The following DNM1 variants were observed in gnomAD, a reference collection of about 807,000 sequenced individuals.
DNM1 encodes the protein dynamin-1.
In DNM1, 29 loss-of-function variants were observed where a neutral mutation model predicts 104.6. The observed-to-expected ratio is 0.28, with a 90% CI of 0.21 to 0.38. The LOEUF (loss-of-function observed/expected upper bound fraction) is 0.38. Ranked by LOEUF, DNM1 falls within the 10% of genes least tolerant of loss-of-function variation. The pLI, the probability that DNM1 is intolerant of heterozygous loss-of-function variation, is 1.00. For missense variants in DNM1, 640 were observed against 1,189.4 expected (o/e 0.54, Z 6.79); for synonymous variants, 445 against 475.8 (o/e 0.94, Z 0.84).
In DNM1 at chr9:128,223,244, C is replaced by T. The variant is rs148285934; in HGVS notation, c.1196+384C>T. ...AGTATGAGGCTGTGTCCTTTTATGA[C>T]GGCCGGGGACTTTGCAATCCTCCAC... On this transcript the variant is annotated intron_variant, in intron 9 of 21. Coordinates refer to ENST00000372923, the MANE Select transcript of DNM1 (RefSeq NM_004408.4). 3.8e-3 allele frequency: 876 copies of T among 228,048 alleles called. 8 individuals are homozygous for T. Among genetic ancestry groups the T allele is most frequent in the African/African-American group, 0.019 (821 of 43,448 alleles). The allele number at this position is 228,048 out of a possible 1,614,324, so 14.1% of individuals were successfully genotyped here. A position where few individuals can be genotyped will look rare whatever the true frequency, so the allele number is the denominator to read the frequency against.
At chr9:128,210,139 G>C (rs913995548) in intron 1 of DNM1, among the ~76,000 whole-genome samples, 1 of 151,344 alleles carries the variant, frequency 6.6e-6, no homozygotes, top group African/African-American at 2.4e-5. Flanking sequence ...TTGACCTCCC[G>C]GGCTCAAGCC....
In DNM1 at chr9:128,253,783, A is replaced by C; in HGVS notation, c.2535-871A>C. ...CACACAGCCCCCTTCCCTCCCTCCC[A>C]GGTACCGTCATAGCTGCTAGTGTGA... On this transcript the variant is annotated intron_variant, in intron 21 of 21. Coordinates refer to ENST00000372923, the MANE Select transcript of DNM1 (RefSeq NM_004408.4). This position sits in a 1 kb window ranked among gnomAD's most constrained non-coding sequence, Gnocchi z 5.9. 1.6e-5 allele frequency: 7 copies of C among 442,340 alleles called. No homozygotes were observed. Among genetic ancestry groups the C allele is most frequent in the Non-Finnish European group, 1.4e-5 (4 of 278,110 alleles). The allele number at this position is 442,340 out of a possible 1,614,324, so 27.4% of individuals were successfully genotyped here. A position where few individuals can be genotyped will look rare whatever the true frequency, so the allele number is the denominator to read the frequency against.
At chr9:128,217,426 G>GT (rs1341392314) in intron 1 of DNM1, among the ~76,000 whole-genome samples, 2 of 152,056 alleles carry the variant, frequency 1.3e-5, no homozygotes, top group African/African-American at 4.8e-5. Context: ...TTCTTTGTGG[G>GT]TTTTTTTGAG....
intron 6 of DNM1, chr9:128,221,060 T>C (rs1311631533): frequency 7.6e-6 from 1 of 131,968 alleles, no homozygotes; most frequent in Non-Finnish European, 1.7e-5. Flanking sequence ...TCTCTTTCTC[T>C]CTTTCTTTCT....
rs1411718469 is a variant in DNM1, at chr9:128,224,740, A to AG, written c.1335+355dup. Among the ~76,000 whole-genome samples the AG allele has an allele frequency of 1.3e-5, 2 of 151,768 alleles. No individual in the cohort carries two copies. Among genetic ancestry groups the AG allele is most frequent in the Non-Finnish European group, 1.5e-5 (1 of 67,974 alleles). On this transcript the variant is annotated intron_variant, in intron 10 of 21. Transcript: ENST00000372923. This position sits in a 1 kb window ranked among gnomAD's most constrained non-coding sequence, Gnocchi z 4.3. ...GGTGTCATCTTTGGGAGCTCCAGGG[A>AG]GGGGTCTGGGGAAACCTTAGCCTTG...
rs908136013 is a variant in DNM1, at chr9:128,254,178, G to T, written c.2535-476G>T. 3 of 1,305,784 alleles carry T rather than the reference G, an allele frequency of 2.3e-6. No homozygotes were observed. The African/African-American group carries it at 4.6e-5, about 20-fold the overall frequency. 80.9% of individuals were successfully genotyped at this position (1,305,784 alleles called of 1,614,324 possible). A position where few individuals can be genotyped will look rare whatever the true frequency, so the allele number is the denominator to read the frequency against. On this transcript the variant is annotated intron_variant, in intron 21 of 21. Transcript: ENST00000372923. The surrounding 1 kb of genome is among the most constrained non-coding windows in gnomAD (Gnocchi z 6.1). The stretch of plus-strand genomic sequence containing the variant: ...CTGAACACCCAGAGGGGCCTCCGGC[G>T]CTCCCTCCAGCCATCCCTTTTAGTT...
At position 128,248,836 on chromosome 9, in the gene DNM1, A is replaced by T; in HGVS notation, c.2076+83A>T. ...CCATGTTGGCCTGGGGGAGATGCCA[A>T]CCAGCCCTATGGGACCAGGTCCAGG... On this transcript the variant is annotated intron_variant, in intron 19 of 21. Transcript: ENST00000372923. The surrounding 1 kb of genome is among the most constrained non-coding windows in gnomAD (Gnocchi z 5.6). 6.7e-7 allele frequency: 1 copy of T among 1,489,086 alleles called. No homozygotes were observed. The highest frequency in any genetic ancestry group is 1.2e-5 in the South Asian group (1 of 81,412). The allele number at this position is 1,489,086 out of a possible 1,614,324, so 92.2% of individuals were successfully genotyped here.
At position 128,242,155 on chromosome 9, in the gene DNM1, G is replaced by T. The variant is rs1477498402; in HGVS notation, c.1558-77G>T. 8 of 824,616 alleles carry T rather than the reference G, an allele frequency of 9.7e-6. No individual in the cohort carries two copies. In the East Asian group the frequency reaches 1.5e-4, roughly 16 times the overall value. 51.1% of individuals were successfully genotyped at this position (824,616 alleles called of 1,614,324 possible). A position where few individuals can be genotyped will look rare whatever the true frequency, so the allele number is the denominator to read the frequency against. On this transcript the variant is annotated intron_variant, in intron 14 of 21. Coordinates refer to ENST00000372923, the MANE Select transcript of DNM1 (RefSeq NM_004408.4). ...CTGGGAGAGGGGTGGGGTTTCGAAT[G>T]CCTCTCTTTGCCTACCCCATCCCCC...
At position 128,245,335 on chromosome 9, in the gene DNM1, C is replaced by T. The variant is rs538807296; in HGVS notation, c.1672-1059C>T. The stretch of plus-strand genomic sequence containing the variant: ...CAAGGTCCCCCTAAACCCAGCCCCC[C>T]ACCTGAGATCCTAGGCAAGGCTCAT... On this transcript the variant is annotated intron_variant, in intron 15 of 21. Transcript: ENST00000372923. This position sits in a 1 kb window ranked among gnomAD's most constrained non-coding sequence, Gnocchi z 5.2. 6.6e-6 allele frequency among the ~76,000 whole-genome samples: 1 copy of T among 152,072 alleles called. No individual in the cohort carries two copies. The highest frequency in any genetic ancestry group is 1.5e-5 in the Non-Finnish European group (1 of 67,980).
Position 128,245,877 on chromosome 9 carries a change from A to G in DNM1, c.1672-517A>G, listed in dbSNP as rs1836770581. Reference sequence around the variant, plus strand: ...CATGTGTTGGCACAAACACACAACTACACACATGTTGCACACACAGGCACA... The same window carrying G: ...CATGTGTTGGCACAAACACACAACTGCACACATGTTGCACACACAGGCACA... On this transcript the variant is annotated intron_variant, in intron 15 of 21. Transcript: ENST00000372923. The surrounding 1 kb of genome is among the most constrained non-coding windows in gnomAD (Gnocchi z 5.2). 6.6e-6 allele frequency among the ~76,000 whole-genome samples: 1 copy of G among 152,178 alleles called. No individual in the cohort carries two copies. The highest frequency in any genetic ancestry group is 6.5e-5 in the Admixed American group (1 of 15,282).
intron 21 of DNM1, 176 bp downstream of exon 21, chr9:128,251,116 G>GC: frequency 1.5e-6 from 1 of 651,380 alleles, no homozygotes; most frequent in South Asian, 1.6e-5. Flanking sequence ...GGCGGAGCCT[G>GC]CCCCCGAGGG....
intron 1 of DNM1, among the ~76,000 whole-genome samples, chr9:128,209,012 G>A (rs1834134122): frequency 6.6e-6 from 1 of 152,206 alleles, no homozygotes; most frequent in Admixed American, 6.5e-5. Flanking sequence ...AGGAGCAGAG[G>A]CCAGAGGTGA....
rs1564350247 is a variant in DNM1, at chr9:128,245,188, C to T, written c.1672-1206C>T. 6.6e-6 allele frequency among the ~76,000 whole-genome samples: 1 copy of T among 152,164 alleles called. No individual in the cohort carries two copies. Among genetic ancestry groups the T allele is most frequent in the Non-Finnish European group, 1.5e-5 (1 of 68,016 alleles). On this transcript the variant is annotated intron_variant, in intron 15 of 21. Transcript: ENST00000372923. This position sits in a 1 kb window ranked among gnomAD's most constrained non-coding sequence, Gnocchi z 5.2. ...GTGTGCAACTTCCTCCTCTCCTCCC[C>T]CAGCCGCCCTCTGGGGCTCCCGGCC...
chr9:128,204,285 C>T (rs1227409015), intron 1 of DNM1: 1 of 152,358 alleles, frequency 6.6e-6, no homozygotes, highest in African/African-American at 2.4e-5. Flanking sequence ...CACTTCTTAT[C>T]CTTTTCTGAG....
At position 128,240,086 on chromosome 9, in the gene DNM1, C is replaced by T. The variant is rs1836272198; in HGVS notation, c.1557+90C>T. On this transcript the variant is annotated intron_variant, in intron 14 of 21. Coordinates refer to ENST00000372923, the MANE Select transcript of DNM1 (RefSeq NM_004408.4). The surrounding 1 kb of genome is among the most constrained non-coding windows in gnomAD (Gnocchi z 5.1). The stretch of plus-strand genomic sequence containing the variant: ...GGATCTGCAACGGGTAGGAGGGCAC[C>T]CTTTGGCTGAAGCTGCTTGTACACA... 6.7e-7 allele frequency: 1 copy of T among 1,488,154 alleles called. No homozygotes were observed. The allele number at this position is 1,488,154 out of a possible 1,614,324, so 92.2% of individuals were successfully genotyped here. A position where few individuals can be genotyped will look rare whatever the true frequency, so the allele number is the denominator to read the frequency against.
chr9:128,254,554 C>T lies in DNM1; in HGVS notation c.2535-100C>T. The T allele has an allele frequency of 6.3e-7, 1 of 1,576,976 alleles. No homozygotes were observed. Among genetic ancestry groups the T allele is most frequent in the Non-Finnish European group, 8.5e-7 (1 of 1,169,716 alleles). On this transcript the variant is annotated intron_variant, in intron 21 of 21. Coordinates refer to ENST00000372923, the MANE Select transcript of DNM1 (RefSeq NM_004408.4). This position sits in a 1 kb window ranked among gnomAD's most constrained non-coding sequence, Gnocchi z 6.1. ...CCCCTCCCCGGCCCTCCCACCACTG[C>T]TGCGGCGCGGCCGGCCCCGGCCGTG...
intron 6 of DNM1, among the ~76,000 whole-genome samples, chr9:128,221,433 G>A (rs994047246): frequency 6.6e-6 from 1 of 152,150 alleles, no homozygotes; most frequent in Non-Finnish European, 1.5e-5. Flanking sequence ...GGAGACAATG[G>A]TGATCAGACC....
At chr9:128,239,948 G>A (rs200482361) in intron 13 of DNM1, 37 bp from the exon 14 acceptor site, 6 of 1,613,634 alleles carry the variant, frequency 3.7e-6, no homozygotes, top group East Asian at 2.2e-5. Flanking sequence ...CTCTCTCCCC[G>A]ATGCCTCTCG....
rs1195286432 is a variant in DNM1, at chr9:128,248,323, A to AAAT, written c.1906-244_1906-242dup. 4.0e-6 allele frequency: 2 copies of AAAT among 499,124 alleles called. No homozygotes were observed. The highest frequency in any genetic ancestry group is 3.4e-5 in the East Asian group (1 of 29,548). The allele number at this position is 499,124 out of a possible 1,614,324, so 30.9% of individuals were successfully genotyped here. A position where few individuals can be genotyped will look rare whatever the true frequency, so the allele number is the denominator to read the frequency against. Reference sequence around the variant, plus strand: ...TGGGTGACAAAGCAAGACTTTCTCAAAATAATAATAATAATAATTTCTGGA... The same window carrying AAAT: ...TGGGTGACAAAGCAAGACTTTCTCAAAATAATAATAATAATAATAATTTCTGGA... On this transcript the variant is annotated intron_variant, in intron 18 of 21. Transcript: ENST00000372923. This position sits in a 1 kb window ranked among gnomAD's most constrained non-coding sequence, Gnocchi z 5.6.
Sources: gnomAD v4.1 joint callset for allele counts (sites outside exome capture counted in the v4.1 genomes callset) on GRCh38, gnomAD v4.1.1 for gene constraint, Gnocchi (gnomAD v3.1) non-coding constraint, MANE v1.5 for transcripts, NCBI Gene and HGNC (gene_info 2026-07-23, HGNC 2026-07-21) for gene names.